Variants in ALDH7A1 observed in about 807,000 individuals in gnomAD.
ALDH7A1 encodes the protein aldehyde dehydrogenase 7 family member A1, also known as alpha-aminoadipic semialdehyde dehydrogenase.
In ALDH7A1, 63 loss-of-function variants were observed where a neutral mutation model predicts 79.9. The observed-to-expected ratio is 0.79, with a 90% CI of 0.64 to 0.97. ALDH7A1 has a LOEUF of 0.97. Among genes scored for constraint, ALDH7A1 ranks in the 50% least tolerant of loss-of-function variants. The pLI, the probability that ALDH7A1 is intolerant of heterozygous loss-of-function variation, is 0.00. For synonymous variants in ALDH7A1, 240 were observed against 231.2 expected (o/e 1.04, Z -0.34); for missense variants, 627 against 665.2 (o/e 0.94, Z 0.63).
chr5:126,549,678 C>A, intron 16 of ALDH7A1: 1 of 419,716 alleles, frequency 2.4e-6, no homozygotes. Context: ...CAAATGCCAC[C>A]ATTTCAGGGG....
chr5:126,574,469 G>T (rs1207471410), intron 7 of ALDH7A1, among the ~76,000 whole-genome samples: 1 of 151,564 alleles, frequency 6.6e-6, no homozygotes, highest in African/African-American at 2.4e-5. Flanking sequence ...GCTGAGGCAG[G>T]TGGATCATGA....
intron 5 of ALDH7A1, chr5:126,579,972 G>A (rs1751115844): frequency 6.0e-6 from 1 of 166,098 alleles, no homozygotes; most frequent in Non-Finnish European, 1.5e-5. Flanking sequence ...AAACGAAAAT[G>A]TGCAAGCAAT....
intron 17 of ALDH7A1, among the ~76,000 whole-genome samples, chr5:126,545,551 C>T (rs373285540): frequency 6.8e-6 from 1 of 146,666 alleles, no homozygotes. Context: ...GCATGAGCCA[C>T]TGCAGGCGTG....
At chr5:126,593,304 AT>A (rs746165732) in intron 2 of ALDH7A1, 46 bp downstream of exon 2, 2 of 1,396,928 alleles carry the variant, frequency 1.4e-6, no homozygotes, top group Non-Finnish European at 1.9e-6. Context: ...TATAATTTGA[AT>A]TAAACACACA....
chr5:126,573,466 G>A (rs1750850438), intron 7 of ALDH7A1, among the ~76,000 whole-genome samples: 1 of 152,068 alleles, frequency 6.6e-6, no homozygotes, highest in South Asian at 2.1e-4. Context: ...TTGGGAGGCT[G>A]AGGCGGGCAG....
chr5:126,563,443 C>T (rs1750467322), intron 9 of ALDH7A1, among the ~76,000 whole-genome samples: 1 of 152,218 alleles, frequency 6.6e-6, no homozygotes, highest in South Asian at 2.1e-4. Flanking sequence ...GGACTCTTGA[C>T]AGACATTGCC....
In ALDH7A1 at chr5:126,544,578, C is replaced by G. The variant is rs1207421094; in HGVS notation, c.*387G>C. 3.9e-6 allele frequency: 1 copy of G among 258,546 alleles called. No individual in the cohort carries two copies. The highest frequency in any genetic ancestry group is 1.0e-4 in the East Asian group (1 of 9,868). The allele number at this position is 258,546 out of a possible 1,614,324, so 16.0% of individuals were successfully genotyped here. A position where few individuals can be genotyped will look rare whatever the true frequency, so the allele number is the denominator to read the frequency against. ...TCACCCCCCGCCCCTGAATCCTTCA[C>G]TTGGTCAGGAGACACCCTGTATCTA... On this transcript the variant is annotated 3_prime_UTR_variant, in exon 18 of 18. Transcript: ENST00000409134.
At chr5:126,547,703 A>C (rs1041255371) in intron 16 of ALDH7A1, among the ~76,000 whole-genome samples, 2 of 152,242 alleles carry the variant, frequency 1.3e-5, no homozygotes, top group Non-Finnish European at 2.9e-5. Context: ...GTGAAAGCAC[A>C]CTAGTTAGAA....
rs143331121 is a variant in ALDH7A1, at chr5:126,548,740, A to T, written c.1489+1189T>A. ...CTGTGCCTGGGCACCAAAACTTTAA[A>T]AATTAATTATAAAAGCTTAAATGAA... is the stretch of plus-strand genomic sequence containing the variant. On this transcript the variant is annotated intron_variant, in intron 16 of 17. Coordinates refer to ENST00000409134, the MANE Select transcript of ALDH7A1 (RefSeq NM_001182.5). Among the ~76,000 whole-genome samples, 452 of 151,904 alleles carry T rather than the reference A, an allele frequency of 3.0e-3. 3 individuals carry two copies. Among genetic ancestry groups the T allele is most frequent in the African/African-American group, 0.01 (423 of 41,460 alleles).
At chr5:126,561,205 T>C in intron 9 of ALDH7A1, 81 bp from the exon 10 acceptor site, 1 of 1,090,380 alleles carries the variant, frequency 9.2e-7, no homozygotes, top group Non-Finnish European at 1.3e-6. Flanking sequence ...TAATCCCAAT[T>C]ATTAAATTAT....
intron 12 of ALDH7A1, chr5:126,555,191 T>C (rs1750146535): frequency 1.3e-5 from 2 of 153,394 alleles, no homozygotes; most frequent in African/African-American, 4.8e-5. Flanking sequence ...TCGGTTTTAA[T>C]CTAAAAGCAG....
intron 5 of ALDH7A1, among the ~76,000 whole-genome samples, chr5:126,579,733 G>A (rs570710083): frequency 2.0e-4 from 30 of 152,254 alleles, no homozygotes; most frequent in African/African-American, 7.2e-4. Flanking sequence ...CAAGGCAGGA[G>A]GATTATTTGA....
Position 126,559,428 on chromosome 5 carries a change from GTTTTGGT to G in ALDH7A1, c.914-101_914-95del, listed in dbSNP as rs879061355. The G allele has an allele frequency of 0.037, 26,505 of 709,814 alleles. 346 individuals are homozygous for G. The highest frequency in any genetic ancestry group is 0.043 in the Non-Finnish European group (19,789 of 463,372). The allele number at this position is 709,814 out of a possible 1,614,324, so 44.0% of individuals were successfully genotyped here. On this transcript the variant is annotated intron_variant, in intron 10 of 17. Coordinates refer to ENST00000409134, the MANE Select transcript of ALDH7A1 (RefSeq NM_001182.5). ...AAAACAATGTTGTTTTTTGTTTTTG[GTTTTGGT>G]TTTTTTTTTTTTTTTTTGAGACAGA...
At chr5:126,583,080 T>A in intron 4 of ALDH7A1, 106 bp from the exon 5 acceptor site, 1 of 1,352,912 alleles carries the variant, frequency 7.4e-7, no homozygotes, top group East Asian at 2.3e-5. Flanking sequence ...TGTAATAAAC[T>A]GAAGAAAGTC....
At chr5:126,588,059 A>G (rs1280951933) in intron 3 of ALDH7A1, 1 of 152,222 alleles carries the variant, frequency 6.6e-6, no homozygotes, top group Non-Finnish European at 1.5e-5. Context: ...AGAGGCTGGC[A>G]TGGTGGGTAA....
intron 14 of ALDH7A1, among the ~76,000 whole-genome samples, chr5:126,551,138 G>C (rs1026002252): frequency 3.3e-5 from 5 of 152,070 alleles, no homozygotes; most frequent in Non-Finnish European, 7.3e-5. Flanking sequence ...GTGTTGGTCA[G>C]GCTGGTCTTG....
chr5:126,558,537 G>GA (rs1265409978), intron 11 of ALDH7A1, among the ~76,000 whole-genome samples: 5 of 152,092 alleles, frequency 3.3e-5, no homozygotes, highest in South Asian at 4.1e-4. Flanking sequence ...GATTGGTTGA[G>GA]ACAGGGTCTT....
At chr5:126,593,143 C>T (rs746320430) in intron 2 of ALDH7A1, among the ~76,000 whole-genome samples, 1 of 152,118 alleles carries the variant, frequency 6.6e-6, no homozygotes, top group African/African-American at 2.4e-5. Context: ...CCTTTTCACG[C>T]CCCCACCCAA....
chr5:126,565,348 T>G (rs1476169473), intron 9 of ALDH7A1, among the ~76,000 whole-genome samples: 3 of 118,448 alleles, frequency 2.5e-5, no homozygotes, highest in Non-Finnish European at 4.8e-5. Context: ...AGCCAGGATC[T>G]CCCCACTGCA....
Sources: allele counts gnomAD v4.1 joint callset (sites outside exome capture counted in the v4.1 genomes callset), GRCh38; gene constraint gnomAD v4.1.1; transcripts MANE v1.5; gene names NCBI Gene and HGNC (gene_info 2026-07-23, HGNC 2026-07-21).